Variants in QPCTL observed in about 807,000 individuals in gnomAD.
The protein encoded by QPCTL is glutaminyl-peptide cyclotransferase-like protein.
A neutral mutation model predicts 34.6 loss-of-function variants in QPCTL; 31 were observed. That is an observed-to-expected ratio of 0.90 (90% CI 0.67 to 1.21). The LOEUF (loss-of-function observed/expected upper bound fraction) is 1.21, where lower values mean the gene tolerates loss of function less well. QPCTL is among the 50% of genes most tolerant of loss of function. The probability of loss-of-function intolerance (pLI) is 0.00; values close to 1 mark genes in which losing one functional copy is unlikely to be tolerated. For synonymous variants in QPCTL, 223 were observed against 226.9 expected (o/e 0.98, Z 0.15); for missense variants, 474 against 507.8 (o/e 0.93, Z 0.64).
chr19:45,700,799 T>C (rs1257441250), intron 5 of QPCTL, among the ~76,000 whole-genome samples: 1 of 151,320 alleles, frequency 6.6e-6, no homozygotes, highest in Non-Finnish European at 1.5e-5. Flanking sequence ...TCTCTACTAA[T>C]AATACACAAA....
chr19:45,702,069 C>G (rs937095349), intron 6 of QPCTL, among the ~76,000 whole-genome samples, 155 bp downstream of exon 6: 14 of 152,106 alleles, frequency 9.2e-5, no homozygotes, highest in African/African-American at 3.4e-4. Context: ...ATAATACTCC[C>G]TATCTTAGAG....
chr19:45,694,510 G>A (rs1049751518), intron 2 of QPCTL, among the ~76,000 whole-genome samples: 1 of 151,204 alleles, frequency 6.6e-6, no homozygotes, highest in South Asian at 2.1e-4. Context: ...TCACACTGTC[G>A]CCTGGGTTGG....
intron 3 of QPCTL, among the ~76,000 whole-genome samples, chr19:45,696,650 G>A (rs1967701636): frequency 6.6e-6 from 1 of 151,544 alleles, no homozygotes; most frequent in African/African-American, 2.4e-5. Context: ...GAGAGGGGAG[G>A]ATGGCTTGAG....
At chr19:45,698,248 T>TA (rs915871149) in intron 3 of QPCTL, among the ~76,000 whole-genome samples, 12 of 148,948 alleles carry the variant, frequency 8.1e-5, no homozygotes, top group South Asian at 4.2e-4. Flanking sequence ...AGATTTATTC[T>TA]AAAAAAAACA....
chr19:45,695,379 C>T, intron 2 of QPCTL, 58 bp from the exon 3 acceptor site: 3 of 1,508,636 alleles, frequency 2.0e-6, no homozygotes, highest in Non-Finnish European at 2.7e-6. Context: ...TCACGTGGCC[C>T]TTCTCCCCAC....
At chr19:45,702,218 G>A (rs1385321764) in intron 6 of QPCTL, among the ~76,000 whole-genome samples, 1 of 151,970 alleles carries the variant, frequency 6.6e-6, no homozygotes, top group African/African-American at 2.4e-5. Flanking sequence ...TTGGGAGGCT[G>A]AGCGGGGTGG....
intron 5 of QPCTL, among the ~76,000 whole-genome samples, chr19:45,699,614 G>A (rs1421281889): frequency 1.3e-5 from 2 of 151,686 alleles, no homozygotes; most frequent in South Asian, 2.1e-4. Flanking sequence ...GCAATATGGC[G>A]AAACCCTGTC....
rs758873305 is a variant in QPCTL, at chr19:45,693,436, C to G, written c.231C>G (p.Pro77=). The change falls in exon 2 of 7, where the codon CCC becomes CCG. Residue 77 remains proline, a synonymous_variant. Transcript: ENST00000012049. The part of the protein sequence containing the change: ...ELRVPLIGSL[P]EARLRRVVGQ... Reference sequence around the variant, plus strand: ...AGGTCCCATTGATCGGAAGCCTCCCCGAAGCCCGGCTGCGGAGGGTGGTGG... The same window carrying G: ...AGGTCCCATTGATCGGAAGCCTCCCGGAAGCCCGGCTGCGGAGGGTGGTGG... 6.2e-6 allele frequency: 10 copies of G among 1,611,732 alleles called. No homozygotes were observed. The Admixed American group carries it at 1.2e-4, about 19-fold the overall frequency.
rs770330381 is a variant in QPCTL at position 45,698,635 on chromosome 19, G to C, written c.722G>C (p.Arg241Pro). The C allele has an allele frequency of 1.1e-5, 18 of 1,613,976 alleles. No individual in the cohort carries two copies. Among genetic ancestry groups the C allele is most frequent in the Non-Finnish European group, 1.5e-5 (18 of 1,180,014 alleles). The change falls in exon 4 of 7, where the codon CGG (arginine) becomes CCG (proline). Residue 241 changes from arginine to proline, a missense_variant. Transcript: ENST00000012049. ...WGPKDSLYGS[R>P]HLAQLMESIP... ...CCCAAGGACTCCCTTTACGGTTCCCGGCACCTGGCCCAGCTCATGGAGTCT... is the reference window on the plus strand; with the variant it reads ...CCCAAGGACTCCCTTTACGGTTCCCCGCACCTGGCCCAGCTCATGGAGTCT...
intron 2 of QPCTL, among the ~76,000 whole-genome samples, chr19:45,695,225 G>A (rs984521839): frequency 1.3e-5 from 2 of 151,986 alleles, no homozygotes; most frequent in African/African-American, 4.8e-5. Context: ...GGCAGAGGTT[G>A]CAGTGAGCCA....
At chr19:45,695,047 T>G (rs1340029014) in intron 2 of QPCTL, among the ~76,000 whole-genome samples, 1 of 152,020 alleles carries the variant, frequency 6.6e-6, no homozygotes, top group African/African-American at 2.4e-5. Flanking sequence ...CACTTTGGGA[T>G]GCTGAAGCAG....
In QPCTL at chr19:45,695,720, T is replaced by G. The variant is rs765499263; in HGVS notation, c.633+2T>G. The G allele has an allele frequency of 1.5e-5, 24 of 1,603,196 alleles. No homozygotes were observed. Among genetic ancestry groups the G allele is most frequent in the Non-Finnish European group, 2.0e-5 (24 of 1,176,644 alleles). On this transcript the variant is annotated splice_donor_variant, in intron 3 of 6. Coordinates refer to ENST00000012049, the MANE Select transcript of QPCTL (RefSeq NM_017659.4). LOFTEE classifies it high-confidence loss of function. ...GAGCTGAGCAGGGCCAAAAAACAGG[T>G]GAGGAGCAGGAGTCGGGGAGGGTAG...
rs1347378490 is a variant in QPCTL, at chr19:45,695,555, C to T, written c.470C>T (p.Pro157Leu). 6.2e-7 allele frequency: 1 copy of T among 1,614,128 alleles called. No homozygotes were observed. The highest frequency in any genetic ancestry group is 1.1e-5 in the South Asian group (1 of 91,088). The stretch of plus-strand genomic sequence containing the variant: ...GGCAATGTGGTGGCCACACTGGACC[C>T]AAGGGCTGCCCGTCACCTCACCCTT... ...DFGNVVATLDPRAARHLTLAC... is the reference protein window; with the variant it reads ...DFGNVVATLDLRAARHLTLAC... The change falls in exon 3 of 7, where the codon CCA (proline) becomes CTA (leucine). Residue 157 changes from proline (P) to leucine (L), a missense_variant. By Grantham distance (98) the Pro-to-Leu change is moderately conservative. Coordinates refer to ENST00000012049, the MANE Select transcript of QPCTL (RefSeq NM_017659.4).
At chr19:45,692,980 G>A in intron 1 of QPCTL, 70 bp downstream of exon 1, 1 of 1,463,428 alleles carries the variant, frequency 6.8e-7, no homozygotes. Context: ...CAGGGTTGAC[G>A]TGGCTTTAGC....
rs375624706 is a variant in QPCTL at position 45,698,531 on chromosome 19, C to G, written c.634-16C>G. ...GTCCTGAGCTGGCTCTGGCCACCCCCCTGCTGCTCCCACAGGCAGCCCCGG... is the reference window on the plus strand; with the variant it reads ...GTCCTGAGCTGGCTCTGGCCACCCCGCTGCTGCTCCCACAGGCAGCCCCGG... On this transcript the variant is annotated splice_polypyrimidine_tract_variant and intron_variant, in intron 3 of 6. Transcript: ENST00000012049. 37 of 1,613,406 alleles carry G rather than the reference C, an allele frequency of 2.3e-5. No homozygotes were observed. In the Admixed American group the frequency reaches 3.7e-4, roughly 16 times the overall value.
rs1967854666 is a variant in QPCTL at position 45,703,912 on chromosome 19, C to T, written c.*863C>T. The T allele has an allele frequency of 6.6e-6, 1 of 151,980 alleles. No individual in the cohort carries two copies. Among genetic ancestry groups the T allele is most frequent in the South Asian group, 2.1e-4 (1 of 4,816 alleles). 9.4% of individuals were successfully genotyped at this position (151,980 alleles called of 1,614,324 possible). On this transcript the variant is annotated 3_prime_UTR_variant, in exon 7 of 7. Transcript: ENST00000012049. ...AGGTTGCAGTGAGCCAAGATCACACCACTGCACTCCAGCCTGGGCAACAGA... is the reference window on the plus strand; with the variant it reads ...AGGTTGCAGTGAGCCAAGATCACACTACTGCACTCCAGCCTGGGCAACAGA...
chr19:45,693,378 C>T, intron 1 of QPCTL, 35 bp from the exon 2 acceptor site: 1 of 1,583,750 alleles, frequency 6.3e-7, no homozygotes, highest in South Asian at 1.1e-5. Context: ...GGGTTGCTCT[C>T]ATTCTTCCCT....
intron 5 of QPCTL, among the ~76,000 whole-genome samples, chr19:45,699,931 CAA>C (rs35011463): frequency 8.9e-5 from 8 of 90,070 alleles, no homozygotes; most frequent in South Asian, 4.0e-4. Context: ...GACTCCATCT[CAA>C]AAAAAAAAAA....
rs780905874 is a variant in QPCTL, at chr19:45,703,140, C to T, written c.*91C>T. On this transcript the variant is annotated 3_prime_UTR_variant, in exon 7 of 7. Coordinates refer to ENST00000012049, the MANE Select transcript of QPCTL (RefSeq NM_017659.4). ...TCAGGCAGGATCTGCCTAGGGTGTG[C>T]TGGTTTGTCCTTTTCATACCTTTGT... is the stretch of plus-strand genomic sequence containing the variant. 4.2e-5 allele frequency: 63 copies of T among 1,485,108 alleles called. No individual in the cohort carries two copies. Among genetic ancestry groups the T allele is most frequent in the Non-Finnish European group, 5.6e-5 (61 of 1,081,584 alleles). 92.0% of individuals were successfully genotyped at this position (1,485,108 alleles called of 1,614,324 possible).
Sources: allele counts gnomAD v4.1 joint callset (sites outside exome capture counted in the v4.1 genomes callset), GRCh38; gene constraint gnomAD v4.1.1; transcripts MANE v1.5; gene names NCBI Gene and HGNC (gene_info 2026-07-23, HGNC 2026-07-21).